The following NAB1 variants were observed in gnomAD, a reference collection of about 807,000 sequenced individuals.
NAB1 encodes the protein NGFI-A binding protein 1, also known as NGFI-A-binding protein 1.
A neutral mutation model predicts 49.9 loss-of-function variants in NAB1; 25 were observed. The ratio of observed to expected loss-of-function variants is 0.50; its 90% CI spans 0.37 to 0.70. NAB1 has a LOEUF of 0.70. NAB1 is among the 30% of genes least tolerant of loss of function. The pLI is 0.00. For missense variants in NAB1, 489 were observed against 575.9 expected, an observed-to-expected ratio of 0.85 and a Z score of 1.54; for synonymous variants, 198 against 215.6, an observed-to-expected ratio of 0.92 and a Z score of 0.71.
chr2:190,668,225 T>C (rs1694621993), intron 4 of NAB1, among the ~76,000 whole-genome samples: 1 of 152,198 alleles, frequency 6.6e-6, no homozygotes, highest in East Asian at 1.9e-4. Flanking sequence ...TAGTATACCC[T>C]GTGACCTAAC....
chr2:190,664,614 T>TTTTTTTTTTTTTG (rs1553548974), intron 4 of NAB1, among the ~76,000 whole-genome samples: 1 of 111,814 alleles, frequency 8.9e-6, no homozygotes, highest in Non-Finnish European at 1.8e-5. Context: ...TTTTTTTTTT[T>TTTTTTTTTTTTTG]GTAGGGACAG....
Position 190,674,131 on chromosome 2 carries a change from T to C in NAB1, c.1005+979T>C, listed in dbSNP as rs74866014. Among the ~76,000 whole-genome samples, 635 of 152,294 alleles carry C rather than the reference T, an allele frequency of 4.2e-3. 11 individuals are homozygous for C. In the East Asian group the frequency reaches 0.046, roughly 11 times the overall value. ...TATCTTATAAAAACATAAATCCCTTTCTTGCTTAACTCCTTTCAGTGGCTT... is the reference window on the plus strand; with the variant it reads ...TATCTTATAAAAACATAAATCCCTTCCTTGCTTAACTCCTTTCAGTGGCTT... On this transcript the variant is annotated intron_variant, in intron 6 of 9. Transcript: ENST00000337386. The surrounding 1 kb of genome is among the most constrained non-coding windows in gnomAD (Gnocchi z 5.7).
intron 9 of NAB1, among the ~76,000 whole-genome samples, chr2:190,688,818 CCTTT>C (rs1177669025): frequency 8.0e-5 from 12 of 149,336 alleles, no homozygotes; most frequent in Non-Finnish European, 1.5e-4. Flanking sequence ...TCTTTTCTTT[CCTTT>C]CTTTCTTTTC....
chr2:190,666,000 A>G (rs886110761), intron 4 of NAB1, among the ~76,000 whole-genome samples: 3 of 152,144 alleles, frequency 2.0e-5, no homozygotes, highest in East Asian at 1.9e-4. Flanking sequence ...TTGAAACTCA[A>G]GCTCATCAAG....
Position 190,689,040 on chromosome 2 carries a change from G to T in NAB1, c.1376-1205G>T, listed in dbSNP as rs559657967. Among the ~76,000 whole-genome samples, 1 of 151,860 alleles carries T rather than the reference G, an allele frequency of 6.6e-6. No individual in the cohort carries two copies. Among genetic ancestry groups the T allele is most frequent in the Admixed American group, 6.6e-5 (1 of 15,236 alleles). ...TTTTTAGTAGAGACGGGGTTTTACC[G>T]TGGTCTCAATCTCCTGACCTTGTGA... On this transcript the variant is annotated intron_variant, in intron 9 of 9. Transcript: ENST00000337386. This position sits in a 1 kb window ranked among gnomAD's most constrained non-coding sequence, Gnocchi z 4.3.
At position 190,676,357 on chromosome 2, in the gene NAB1, C is replaced by A. The variant is rs1303610515; in HGVS notation, c.1005+3205C>A. Among the ~76,000 whole-genome samples, 2 of 152,166 alleles carry A rather than the reference C, an allele frequency of 1.3e-5. No individual in the cohort carries two copies. The highest frequency in any genetic ancestry group is 2.4e-5 in the African/African-American group (1 of 41,440). On this transcript the variant is annotated intron_variant, in intron 6 of 9. Coordinates refer to ENST00000337386, the MANE Select transcript of NAB1 (RefSeq NM_005966.4). This position sits in a 1 kb window ranked among gnomAD's most constrained non-coding sequence, Gnocchi z 4.6. ...ATAAAACTAGAAAGAATTTAGAATTCTTTTAACATACTTTTTCTCTTATTT... is the reference window on the plus strand; with the variant it reads ...ATAAAACTAGAAAGAATTTAGAATTATTTTAACATACTTTTTCTCTTATTT...
rs1412608656 is a variant in NAB1, at chr2:190,686,749, C to T, written c.1259-452C>T. Among the ~76,000 whole-genome samples, 1 of 151,300 alleles carries T rather than the reference C, an allele frequency of 6.6e-6. No homozygotes were observed. The highest frequency in any genetic ancestry group is 1.5e-5 in the Non-Finnish European group (1 of 67,886). On this transcript the variant is annotated intron_variant, in intron 8 of 9. Transcript: ENST00000337386. This position sits in a 1 kb window ranked among gnomAD's most constrained non-coding sequence, Gnocchi z 5.5. ...CATGATTGGGTGTATAATTTTTTCC[C>T]ATATTTGTGCTAAATCTGTTTTTTC...
Position 190,691,762 on chromosome 2 carries a change from ATG to A in NAB1, c.*1433_*1434del, listed in dbSNP as rs1444613819. On this transcript the variant is annotated 3_prime_UTR_variant, in exon 10 of 10. Transcript: ENST00000337386. The surrounding 1 kb of genome is among the most constrained non-coding windows in gnomAD (Gnocchi z 4.1). ...GTATTGACTCTGAGTGTAAGAGAGT[ATG>A]TGTTTTTTTGTTTTTAGTTCTGCTC... 1 of 152,144 alleles carries A rather than the reference ATG, an allele frequency of 6.6e-6. No homozygotes were observed. Among genetic ancestry groups the A allele is most frequent in the Non-Finnish European group, 1.5e-5 (1 of 67,988 alleles). 9.4% of individuals were successfully genotyped at this position (152,144 alleles called of 1,614,324 possible). A position where few individuals can be genotyped will look rare whatever the true frequency, so the allele number is the denominator to read the frequency against.
Position 190,659,369 on chromosome 2 carries a change from G to A in NAB1, c.193G>A (p.Val65Ile), listed in dbSNP as rs1410005344. ...GGGCATGGCTAGCAAGCCCCTTCATGTTAGAAGGCTGCAGAAGGCTTTGAG... is the reference window on the plus strand; with the variant it reads ...GGGCATGGCTAGCAAGCCCCTTCATATTAGAAGGCTGCAGAAGGCTTTGAG... ...LVGMASKPLHVRRLQKALRDW... is the reference protein window; with the variant it reads ...LVGMASKPLHIRRLQKALRDW... Residue 65 changes from valine (V) to isoleucine (I), a missense_variant, in exon 4 of 10, where the codon GTT becomes ATT. Val to Ile is a conservative substitution (Grantham distance 29). Transcript: ENST00000337386. This position sits in a 1 kb window ranked among gnomAD's most constrained non-coding sequence, Gnocchi z 6.2. 3 of 1,614,156 alleles carry A rather than the reference G, an allele frequency of 1.9e-6. No individual in the cohort carries two copies. The highest frequency in any genetic ancestry group is 2.5e-6 in the Non-Finnish European group (3 of 1,180,024).
In NAB1 at chr2:190,680,766, T is replaced by C. The variant is rs1275505226; in HGVS notation, c.1006-2972T>C. 6.6e-6 allele frequency among the ~76,000 whole-genome samples: 1 copy of C among 152,218 alleles called. No homozygotes were observed. The highest frequency in any genetic ancestry group is 1.5e-5 in the Non-Finnish European group (1 of 68,028). ...GATGTCTGTACTTTGTAATTGTCCATAAAATTTCTCTTTTTTCCCCAGTAT... is the reference window on the plus strand; with the variant it reads ...GATGTCTGTACTTTGTAATTGTCCACAAAATTTCTCTTTTTTCCCCAGTAT... On this transcript the variant is annotated intron_variant, in intron 6 of 9. Coordinates refer to ENST00000337386, the MANE Select transcript of NAB1 (RefSeq NM_005966.4). The surrounding 1 kb of genome is among the most constrained non-coding windows in gnomAD (Gnocchi z 5.2).
chr2:190,654,126 GAATAAATGGGGATA>G lies in NAB1; in HGVS notation c.-196-1848_-196-1835del, dbSNP rs1396037444. Among the ~76,000 whole-genome samples, 1 of 152,176 alleles carries G rather than the reference GAATAAATGGGGATA, an allele frequency of 6.6e-6. No homozygotes were observed. The highest frequency in any genetic ancestry group is 1.5e-5 in the Non-Finnish European group (1 of 68,040). On this transcript the variant is annotated intron_variant, in intron 2 of 9. Coordinates refer to ENST00000337386, the MANE Select transcript of NAB1 (RefSeq NM_005966.4). This position sits in a 1 kb window ranked among gnomAD's most constrained non-coding sequence, Gnocchi z 5.6. ...TTATTCATCATTGAAACTTTGCTAG[GAATAAATGGGGATA>G]AAAGAGTAATGAAACCTAATTCCTA...
rs1469916267 is a variant in NAB1, at chr2:190,689,049, A to G, written c.1376-1196A>G. ...GAGACGGGGTTTTACCGTGGTCTCA[A>G]TCTCCTGACCTTGTGATCCGCCCGC... On this transcript the variant is annotated intron_variant, in intron 9 of 9. Coordinates refer to ENST00000337386, the MANE Select transcript of NAB1 (RefSeq NM_005966.4). The surrounding 1 kb of genome is among the most constrained non-coding windows in gnomAD (Gnocchi z 4.3). Among the ~76,000 whole-genome samples the G allele has an allele frequency of 6.6e-6, 1 of 152,074 alleles. No individual in the cohort carries two copies. Among genetic ancestry groups the G allele is most frequent in the African/African-American group, 2.4e-5 (1 of 41,398 alleles).
intron 2 of NAB1, among the ~76,000 whole-genome samples, chr2:190,650,497 A>G (rs1559219967): frequency 6.6e-6 from 1 of 152,354 alleles, no homozygotes; most frequent in Middle Eastern, 3.4e-3. Context: ...TAGCTGTTGT[A>G]AAAGTGTTCA....
Position 190,649,234 on chromosome 2 carries a change from G to A in NAB1, c.-460G>A, listed in dbSNP as rs1366709869. The stretch of plus-strand genomic sequence containing the variant: ...GCCCACCACCTTCCCTTCCCCCCTC[G>A]ATGGGAGCGGGGGCGTCCCGGCTCC... On this transcript the variant is annotated 5_prime_UTR_variant, in exon 1 of 10. Coordinates refer to ENST00000337386, the MANE Select transcript of NAB1 (RefSeq NM_005966.4). This position sits in a 1 kb window ranked among gnomAD's most constrained non-coding sequence, Gnocchi z 6.1. The A allele has an allele frequency of 6.6e-6, 1 of 151,892 alleles. No homozygotes were observed. Among genetic ancestry groups the A allele is most frequent in the Non-Finnish European group, 1.5e-5 (1 of 67,956 alleles). The allele number at this position is 151,892 out of a possible 1,614,324, so 9.4% of individuals were successfully genotyped here. A position where few individuals can be genotyped will look rare whatever the true frequency, so the allele number is the denominator to read the frequency against.
In NAB1 at chr2:190,690,272, C is replaced by T. The variant is rs1235911185; in HGVS notation, c.1403C>T (p.Pro468Leu). The change falls in exon 10 of 10, where the codon CCT becomes CTT. Residue 468 changes from proline to leucine, a missense_variant. By Grantham distance (98) the Pro-to-Leu change is moderately conservative. Coordinates refer to ENST00000337386, the MANE Select transcript of NAB1 (RefSeq NM_005966.4). ...AGCCTTGGGATTTTAAAAGACTACCCTCATTCAGCTTTTACCTTAGAAAAG... is the reference window on the plus strand; with the variant it reads ...AGCCTTGGGATTTTAAAAGACTACCTTCATTCAGCTTTTACCTTAGAAAAG... ...SESLGILKDY[P>L]HSAFTLEKKV... 5.6e-6 allele frequency: 9 copies of T among 1,612,330 alleles called. No individual in the cohort carries two copies. The highest frequency in any genetic ancestry group is 7.6e-6 in the Non-Finnish European group (9 of 1,178,936).
chr2:190,653,794 C>G (rs2125560962), intron 2 of NAB1: 1 of 152,278 alleles, frequency 6.6e-6, no homozygotes, highest in African/African-American at 2.4e-5. Context: ...GGTGTTGGGG[C>G]CGGACTCGTT....
In NAB1 at chr2:190,689,040, G is replaced by A. The variant is rs559657967; in HGVS notation, c.1376-1205G>A. On this transcript the variant is annotated intron_variant, in intron 9 of 9. Coordinates refer to ENST00000337386, the MANE Select transcript of NAB1 (RefSeq NM_005966.4). The surrounding 1 kb of genome is among the most constrained non-coding windows in gnomAD (Gnocchi z 4.3). Reference sequence around the variant, plus strand: ...TTTTTAGTAGAGACGGGGTTTTACCGTGGTCTCAATCTCCTGACCTTGTGA... The same window carrying A: ...TTTTTAGTAGAGACGGGGTTTTACCATGGTCTCAATCTCCTGACCTTGTGA... 6.6e-5 allele frequency among the ~76,000 whole-genome samples: 10 copies of A among 151,978 alleles called. No individual in the cohort carries two copies. In the East Asian group the frequency reaches 9.7e-4, roughly 15 times the overall value.
rs34490155 is a variant in NAB1, at chr2:190,666,143, GT to G, written c.820-4173del. ...CTCCCTATTTTATTTAACATTTTTA[GT>G]TTTTTTTTTCTGAGAGGGGCCAGTA... is the stretch of plus-strand genomic sequence containing the variant. On this transcript the variant is annotated intron_variant, in intron 4 of 9. Transcript: ENST00000337386. The surrounding 1 kb of genome is among the most constrained non-coding windows in gnomAD (Gnocchi z 5.6). 2.0e-5 allele frequency among the ~76,000 whole-genome samples: 3 copies of G among 148,968 alleles called. No homozygotes were observed. The highest frequency in any genetic ancestry group is 1.9e-4 in the East Asian group (1 of 5,142).
intron 2 of NAB1, among the ~76,000 whole-genome samples, chr2:190,650,243 G>A (rs985552430): frequency 8.5e-5 from 13 of 152,184 alleles, no homozygotes; most frequent in Non-Finnish European, 1.6e-4. Context: ...CGGGAGGCAC[G>A]GAAAATTTTG....
Sources: allele counts gnomAD v4.1 joint callset (sites outside exome capture counted in the v4.1 genomes callset), GRCh38; gene constraint gnomAD v4.1.1; non-coding constraint Gnocchi (gnomAD v3.1); transcripts MANE v1.5; gene names NCBI Gene and HGNC (gene_info 2026-07-23, HGNC 2026-07-21).